B3GALT1: variants seen among roughly 807,000 people sequenced by gnomAD.
The protein encoded by B3GALT1 is beta-1,3-galactosyltransferase 1, also known as UDP-Gal:betaGlcNAc beta 1,3-galactosyltransferase, polypeptide 1.
A neutral mutation model predicts 23.2 loss-of-function variants in B3GALT1; 10 were observed. The observed-to-expected ratio is 0.43, with a 90% CI of 0.27 to 0.73. The LOEUF (loss-of-function observed/expected upper bound fraction) is 0.73, where lower values mean the gene tolerates loss of function less well. Among genes scored for constraint, B3GALT1 ranks in the 30% least tolerant of loss-of-function variants. The pLI is 0.21. For missense variants in B3GALT1, 299 were observed against 405.4 expected (o/e 0.74, Z 2.25); for synonymous variants, 156 against 141.5 (o/e 1.10, Z -0.73).
At chr2:167,376,901 G>A (rs1279742559) in intron 1 of B3GALT1, among the ~76,000 whole-genome samples, 1 of 151,758 alleles carries the variant, frequency 6.6e-6, no homozygotes, top group African/African-American at 2.4e-5. Context: ...TTAATTTGTT[G>A]TTTTTTGTAG....
At chr2:167,376,276 G>A (rs1329032152) in intron 1 of B3GALT1, among the ~76,000 whole-genome samples, 4 of 152,104 alleles carry the variant, frequency 2.6e-5, no homozygotes, top group Non-Finnish European at 4.4e-5. Context: ...TTGTGGCTAT[G>A]TTCATTAGGG....
intron 3 of B3GALT1, among the ~76,000 whole-genome samples, chr2:167,804,875 A>C (rs1357285872): frequency 6.6e-6 from 1 of 152,184 alleles, no homozygotes; most frequent in Non-Finnish European, 1.5e-5. Flanking sequence ...CGGTATTTCT[A>C]GTTCAAGATC....
chr2:167,327,097 T>C (rs1359487792), intron 1 of B3GALT1, among the ~76,000 whole-genome samples: 1 of 152,172 alleles, frequency 6.6e-6, no homozygotes, highest in African/African-American at 2.4e-5. Context: ...GGGTTCTCTA[T>C]GCTGTTCCAT....
At chr2:167,595,898 A>C (rs1245587278) in intron 2 of B3GALT1, among the ~76,000 whole-genome samples, 1 of 152,206 alleles carries the variant, frequency 6.6e-6, no homozygotes, top group Admixed American at 6.5e-5. Context: ...TTTATTCCAG[A>C]GGGATTTAAG....
chr2:167,599,985 G>C (rs2105422974), intron 2 of B3GALT1, among the ~76,000 whole-genome samples: 1 of 152,262 alleles, frequency 6.6e-6, no homozygotes, highest in East Asian at 1.9e-4. Flanking sequence ...ACTAGAGTAG[G>C]AATGTGTCTC....
At chr2:167,764,137 C>A (rs1345188415) in intron 3 of B3GALT1, among the ~76,000 whole-genome samples, 1 of 152,146 alleles carries the variant, frequency 6.6e-6, no homozygotes, top group Non-Finnish European at 1.5e-5. Flanking sequence ...GATTTAAGAG[C>A]TCCAAATAGC....
At chr2:167,376,424 C>G (rs1245634778) in intron 1 of B3GALT1, among the ~76,000 whole-genome samples, 1 of 152,106 alleles carries the variant, frequency 6.6e-6, no homozygotes, top group African/African-American at 2.4e-5. Flanking sequence ...TTGGTACCAG[C>G]TCTTCTTTGT....
At chr2:167,505,863 C>G (rs1193737907) in intron 2 of B3GALT1, among the ~76,000 whole-genome samples, 1 of 151,938 alleles carries the variant, frequency 6.6e-6, no homozygotes, top group Non-Finnish European at 1.5e-5. Flanking sequence ...AGTTCGAGAC[C>G]AGCCTGCCCA....
intron 3 of B3GALT1, among the ~76,000 whole-genome samples, chr2:167,787,821 G>T (rs1421679513): frequency 6.6e-6 from 1 of 152,230 alleles, no homozygotes; most frequent in Non-Finnish European, 1.5e-5. Context: ...TGGAGAGTCT[G>T]TCACCTGTCA....
At chr2:167,325,178 A>G (rs138458664) in intron 1 of B3GALT1, among the ~76,000 whole-genome samples, 1 of 152,230 alleles carries the variant, frequency 6.6e-6, no homozygotes, top group Non-Finnish European at 1.5e-5. Flanking sequence ...GGGAATACAT[A>G]TATCTCTTTG....
At chr2:167,599,505 T>C (rs1349527509) in intron 2 of B3GALT1, among the ~76,000 whole-genome samples, 1 of 152,196 alleles carries the variant, frequency 6.6e-6, no homozygotes, top group Non-Finnish European at 1.5e-5. Context: ...AGGCTTCAGA[T>C]TGCATAGGTG....
chr2:167,520,314 T>G (rs1398853707), intron 2 of B3GALT1, among the ~76,000 whole-genome samples: 2 of 152,096 alleles, frequency 1.3e-5, no homozygotes, highest in African/African-American at 4.8e-5. Flanking sequence ...TTATACATTT[T>G]TTTAAGATTA....
At chr2:167,484,209 A>G (rs988502898) in intron 1 of B3GALT1, among the ~76,000 whole-genome samples, 3 of 152,174 alleles carry the variant, frequency 2.0e-5, no homozygotes, top group Non-Finnish European at 4.4e-5. Flanking sequence ...GTAAAAATGT[A>G]TTGAGTTTTG....
intron 1 of B3GALT1, among the ~76,000 whole-genome samples, chr2:167,347,460 A>G (rs920498248): frequency 2.0e-5 from 3 of 152,196 alleles, no homozygotes; most frequent in African/African-American, 7.2e-5. Context: ...AGAGATTCCA[A>G]TATCTCTCTG....
At chr2:167,622,677 A>G (rs928835021) in intron 2 of B3GALT1, among the ~76,000 whole-genome samples, 2 of 152,154 alleles carry the variant, frequency 1.3e-5, no homozygotes, top group East Asian at 1.9e-4. Flanking sequence ...ATCTCTAAAA[A>G]GGAAATGCAT....
chr2:167,688,528 T>C (rs184848350), intron 3 of B3GALT1, among the ~76,000 whole-genome samples: 381 of 152,138 alleles, frequency 2.5e-3, no homozygotes, highest in Non-Finnish European at 4.5e-3. Context: ...TAAAACTCGA[T>C]AGGTGGCTTA....
intron 4 of B3GALT1, among the ~76,000 whole-genome samples, chr2:167,864,164 A>G (rs1234082105): frequency 3.3e-5 from 5 of 152,142 alleles, no homozygotes; most frequent in Admixed American, 3.3e-4. Flanking sequence ...GCACTTTTTG[A>G]TTATCAAGAA....
intron 2 of B3GALT1, among the ~76,000 whole-genome samples, chr2:167,621,385 C>A (rs1277816715): frequency 6.6e-6 from 1 of 151,952 alleles, no homozygotes. Flanking sequence ...CTTGCCTGGC[C>A]AGTGAGTTAT....
intron 2 of B3GALT1, among the ~76,000 whole-genome samples, chr2:167,522,121 A>G (rs1192103860): frequency 1.3e-5 from 2 of 151,324 alleles, no homozygotes. Context: ...AAAATTATAG[A>G]TTGTAATGTG....
Sources: allele counts gnomAD v4.1 joint callset (sites outside exome capture counted in the v4.1 genomes callset), GRCh38; gene constraint gnomAD v4.1.1; transcripts MANE v1.5; gene names NCBI Gene and HGNC (gene_info 2026-07-23, HGNC 2026-07-21).